MYPOP: variants seen among roughly 807,000 people sequenced by gnomAD.
MYPOP encodes Myb related transcription factor, partner of profilin, also known as myb-related transcription factor, partner of profilin.
In MYPOP, 21 loss-of-function variants were observed where a neutral mutation model predicts 25.7. The ratio of observed to expected loss-of-function variants is 0.82; its 90% confidence interval spans 0.58 to 1.18. The LOEUF is 1.18. Among genes scored for constraint, MYPOP ranks in the 50% most tolerant of loss-of-function variants. MYPOP has a pLI of 0.00. For missense variants in MYPOP, 566 were observed against 588.3 expected, an observed-to-expected ratio of 0.96 and a Z score of 0.39; for synonymous variants, 280 against 247.9, an observed-to-expected ratio of 1.13 and a Z score of -1.22.
chr19:45,901,778 C>T lies in MYPOP; in HGVS notation c.-5G>A, dbSNP rs750324849. On this transcript the variant is annotated 5_prime_UTR_variant, in exon 2 of 3. Coordinates refer to ENST00000322217, the MANE Select transcript of MYPOP (RefSeq NM_001012643.4). This position sits in a 1 kb window ranked among gnomAD's most constrained non-coding sequence, Gnocchi z 5.7. ...GCCCGCCGCCGCCGAGGCCATGGCG[C>T]CCCCCGACGCCGCCGTCCTGCCGTC... 3.5e-6 allele frequency: 5 copies of T among 1,426,646 alleles called. 1 individual carries two copies. The highest frequency in any genetic ancestry group is 2.9e-5 in the South Asian group (2 of 68,186). 88.4% of individuals were successfully genotyped at this position (1,426,646 alleles called of 1,614,324 possible).
chr19:45,897,566 G>A (rs1967224051), intron 2 of MYPOP, among the ~76,000 whole-genome samples: 1 of 152,152 alleles, frequency 6.6e-6, no homozygotes. Flanking sequence ...TTTGTTTTTG[G>A]TTGTTTTGAG....
intron 2 of MYPOP, among the ~76,000 whole-genome samples, chr19:45,898,659 C>T (rs879883222): frequency 7.9e-5 from 12 of 152,030 alleles, no homozygotes; most frequent in Admixed American, 3.3e-4. Flanking sequence ...ATGCTCTACG[C>T]GTGTTCCTGC....
rs114387602 is a variant in MYPOP, at chr19:45,891,064, G to A, written c.759C>T (p.Leu253=). The change falls in exon 3 of 3, where the codon CTC becomes CTT. Residue 253 remains leucine, a synonymous_variant. Coordinates refer to ENST00000322217, the MANE Select transcript of MYPOP (RefSeq NM_001012643.4). ...AGTCCAGGGAGGGGTCTGAGGCCGA[G>A]AGCGTGGGTGGAGGCCGAGGAGGGG... ...PPPPPRPPPT[L]SASDPSLDFL... is the part of the protein sequence containing the mutation. 0.12 allele frequency: 173,232 copies of A among 1,496,122 alleles called. 10,666 individuals are homozygous for A. Among genetic ancestry groups the A allele is most frequent in the African/African-American group, 0.13 (9,255 of 70,688 alleles). 92.7% of individuals were successfully genotyped at this position (1,496,122 alleles called of 1,614,324 possible). A position where few individuals can be genotyped will look rare whatever the true frequency, so the allele number is the denominator to read the frequency against.
Position 45,901,507 on chromosome 19 carries a change from C to T in MYPOP, c.267G>A (p.Glu89=), listed in dbSNP as rs749160599. ...RWNDFKRRTK[E]KLARVPHSTQ... ...TGGAGTGCGGCACGCGAGCGAGCTT[C>T]TCCTTGGTGCGGCGCTTGAAGTCGT... The change falls in exon 2 of 3, where the codon GAG becomes GAA. Residue 89 remains glutamate, a synonymous_variant. Transcript: ENST00000322217. The surrounding 1 kb of genome is among the most constrained non-coding windows in gnomAD (Gnocchi z 5.7). 1 of 1,611,048 alleles carries T rather than the reference C, an allele frequency of 6.2e-7. No homozygotes were observed. The highest frequency in any genetic ancestry group is 1.1e-5 in the South Asian group (1 of 90,842).
At chr19:45,900,579 T>C (rs1967273941) in intron 2 of MYPOP, among the ~76,000 whole-genome samples, 2 of 150,746 alleles carry the variant, frequency 1.3e-5, no homozygotes, top group African/African-American at 2.4e-5. Context: ...CAGTCATCCA[T>C]GTGTCCCCAA....
In MYPOP at chr19:45,901,708, G is replaced by T. The variant is rs768301061; in HGVS notation, c.66C>A (p.Phe22Leu). The change falls in exon 2 of 3, where the codon TTC becomes TTA. Residue 22 changes from phenylalanine (F) to leucine (L), a missense_variant. Coordinates refer to ENST00000322217, the MANE Select transcript of MYPOP (RefSeq NM_001012643.4). The surrounding 1 kb of genome is among the most constrained non-coding windows in gnomAD (Gnocchi z 5.7). ...CGCGGATCAGGATCTGGTTCTCTTC[G>T]AATGAGAAGCGCGGCTTGCGCAACC... ...TTRLRKPRFS[F>L]EENQILIREV... The T allele has an allele frequency of 6.3e-7, 1 of 1,586,946 alleles. No individual in the cohort carries two copies.
rs1967094336 is a variant in MYPOP at position 45,890,046 on chromosome 19, A to G, written c.*577T>C. 1 of 152,148 alleles carries G rather than the reference A, an allele frequency of 6.6e-6. No individual in the cohort carries two copies. The highest frequency in any genetic ancestry group is 2.4e-5 in the African/African-American group (1 of 41,422). 9.4% of individuals were successfully genotyped at this position (152,148 alleles called of 1,614,324 possible). On this transcript the variant is annotated 3_prime_UTR_variant, in exon 3 of 3. Transcript: ENST00000322217. ...AATTGTATTAAAAATAAGTTTATTG[A>G]TATCTTGTCACCACTGGGAGAAAGG...
intron 2 of MYPOP, among the ~76,000 whole-genome samples, chr19:45,893,265 ACT>A (rs1184831835): frequency 6.7e-6 from 1 of 149,358 alleles, no homozygotes; most frequent in Non-Finnish European, 1.5e-5. Context: ...ACAGAGCGAG[ACT>A]CTGTCTCAAA....
At chr19:45,899,230 C>A (rs1385156459) in intron 2 of MYPOP, among the ~76,000 whole-genome samples, 1 of 151,572 alleles carries the variant, frequency 6.6e-6, no homozygotes, top group Non-Finnish European at 1.5e-5. Context: ...CAGTCTCAAA[C>A]AAACAAACAA....
intron 2 of MYPOP, among the ~76,000 whole-genome samples, chr19:45,893,198 C>G (rs1967150299): frequency 6.6e-6 from 1 of 151,928 alleles, no homozygotes; most frequent in Admixed American, 6.6e-5. Flanking sequence ...TCGCTTGAAC[C>G]CGGGAGGCGG....
intron 2 of MYPOP, among the ~76,000 whole-genome samples, chr19:45,899,866 T>C (rs1184578377): frequency 1.3e-5 from 2 of 151,942 alleles, no homozygotes; most frequent in Admixed American, 6.6e-5. Flanking sequence ...ACAAAAAAAA[T>C]AGTAAGTCCA....
chr19:45,899,565 C>T (rs1382449494), intron 2 of MYPOP, among the ~76,000 whole-genome samples: 1 of 151,620 alleles, frequency 6.6e-6, no homozygotes, highest in South Asian at 2.1e-4. Flanking sequence ...CCAGGCCGGG[C>T]GTGGTGGCTC....
At chr19:45,895,911 CA>C (rs1967197218) in intron 2 of MYPOP, among the ~76,000 whole-genome samples, 1 of 151,818 alleles carries the variant, frequency 6.6e-6, no homozygotes, top group South Asian at 2.1e-4. Flanking sequence ...GCTCCTTGGC[CA>C]AATCAGATCA....
chr19:45,893,258 G>C (rs1041058967), intron 2 of MYPOP, among the ~76,000 whole-genome samples: 1 of 142,756 alleles, frequency 7.0e-6, no homozygotes, highest in Admixed American at 7.1e-5. Context: ...CTGGGCAACA[G>C]AGCGAGACTC....
Position 45,890,397 on chromosome 19 carries a change from T to G in MYPOP, c.*226A>C. 1 of 570,836 alleles carries G rather than the reference T, an allele frequency of 1.8e-6. No homozygotes were observed. Among genetic ancestry groups the G allele is most frequent in the Non-Finnish European group, 2.9e-6 (1 of 350,036 alleles). The allele number at this position is 570,836 out of a possible 1,614,324, so 35.4% of individuals were successfully genotyped here. Reference sequence around the variant, plus strand: ...AAATTGATGGCTTAGAAGTCAGGGTTAAGGGAGGCAGCCAGGCAGACAGCA... The same window carrying G: ...AAATTGATGGCTTAGAAGTCAGGGTGAAGGGAGGCAGCCAGGCAGACAGCA... On this transcript the variant is annotated 3_prime_UTR_variant, in exon 3 of 3. Transcript: ENST00000322217.
chr19:45,897,930 T>C (rs981397341), intron 2 of MYPOP, among the ~76,000 whole-genome samples: 7 of 150,908 alleles, frequency 4.6e-5, no homozygotes, highest in Admixed American at 2.0e-4. Context: ...TCTTTTCTTT[T>C]TTTTTTTTTT....
At chr19:45,894,031 T>C (rs1466975875) in intron 2 of MYPOP, among the ~76,000 whole-genome samples, 1 of 151,162 alleles carries the variant, frequency 6.6e-6, no homozygotes, top group East Asian at 2.0e-4. Flanking sequence ...CCTCGTGATC[T>C]GCCCACCTCA....
chr19:45,892,105 G>A (rs946538048), intron 2 of MYPOP, among the ~76,000 whole-genome samples: 23 of 151,948 alleles, frequency 1.5e-4, no homozygotes, highest in African/African-American at 5.3e-4. Context: ...ATTTTTAGTA[G>A]AGATGGGGTT....
Position 45,890,878 on chromosome 19 carries a change from G to A in MYPOP, c.945C>T (p.Pro315=). The A allele has an allele frequency of 1.4e-6, 2 of 1,422,486 alleles. No individual in the cohort carries two copies. The highest frequency in any genetic ancestry group is 1.8e-6 in the Non-Finnish European group (2 of 1,088,014). 88.1% of individuals were successfully genotyped at this position (1,422,486 alleles called of 1,614,324 possible). The part of the protein sequence containing the change: ...SLPPPLPPPP[P]PPPPPRPVLP... ...GGACAGGCCTGGGAGGTGGCGGTGG[G>A]GGTGGGGGTGGGGGCAGAGGTGGAG... The change falls in exon 3 of 3, where the codon CCC becomes CCT. Residue 315 remains proline (P), a synonymous_variant. Transcript: ENST00000322217.
Sources: gnomAD v4.1 joint callset for allele counts (sites outside exome capture counted in the v4.1 genomes callset) on GRCh38, gnomAD v4.1.1 for gene constraint, Gnocchi (gnomAD v3.1) non-coding constraint, MANE v1.5 for transcripts, NCBI Gene and HGNC (gene_info 2026-07-23, HGNC 2026-07-21) for gene names.